SMIM27: variants seen among roughly 807,000 people sequenced by gnomAD.
SMIM27 encodes transition zone microprotein 1, also known as TOPORS antisense RNA 1 (non-protein coding).
SMIM27 carries 3 observed loss-of-function variants against 1.8 expected under a neutral mutation model. The ratio of observed to expected loss-of-function variants is 1.65; its 90% CI spans 0.75 to 4.28. The LOEUF (loss-of-function observed/expected upper bound fraction) is 4.28, where lower values mean the gene tolerates loss of function less well. Among genes scored for constraint, SMIM27 ranks in the 30% most tolerant of loss-of-function variants. The probability of loss-of-function intolerance (pLI) is 0.02; values close to 1 mark genes in which losing one functional copy is unlikely to be tolerated. For missense variants in SMIM27, 63 were observed against 37.0 expected, an observed-to-expected ratio of 1.70 and a Z score of -1.83; for synonymous variants, 19 against 13.9, an observed-to-expected ratio of 1.37 and a Z score of -0.82.
At chr9:32,552,589 G>C in intron 1 of SMIM27, 110 bp downstream of exon 1, 1 of 931,796 alleles carries the variant, frequency 1.1e-6, no homozygotes. Flanking sequence ...CCTGAATTAA[G>C]CATTTCACTC....
At chr9:32,552,678 T>G (rs1821323998) in intron 1 of SMIM27, 123 bp from the exon 2 acceptor site, 1 of 654,452 alleles carries the variant, frequency 1.5e-6, no homozygotes, top group Non-Finnish European at 2.8e-6. Context: ...TACCCGCCAC[T>G]GGAACCCCAT....
intron 1 of SMIM27, among the ~76,000 whole-genome samples, chr9:32,560,494 T>C (rs561937497): frequency 1.3e-5 from 2 of 152,354 alleles, no homozygotes; most frequent in South Asian, 2.1e-4. Context: ...CTGAAAACAT[T>C]GCTACATTCC....
chr9:32,554,255 C>T (rs143257950), downstream of SMIM27, among the ~76,000 whole-genome samples: 14 of 152,292 alleles, frequency 9.2e-5, no homozygotes, highest in African/African-American at 3.1e-4. Flanking sequence ...ATGGAGGCCC[C>T]AGAAAGAAGT....
intron 1 of SMIM27, among the ~76,000 whole-genome samples, chr9:32,564,820 T>C (rs530383785): frequency 7.2e-5 from 11 of 152,320 alleles, no homozygotes. Flanking sequence ...AACACTTTCT[T>C]CATAAAAGCT....
intron 1 of SMIM27, among the ~76,000 whole-genome samples, chr9:32,558,716 T>C (rs916608490): frequency 6.6e-6 from 1 of 152,186 alleles, no homozygotes; most frequent in Non-Finnish European, 1.5e-5. Context: ...CCATTTGAAC[T>C]GTAATTGTTA....
rs367955235 is a variant in SMIM27 at position 32,552,445 on chromosome 9, T to C, written c.11T>C (p.Val4Ala). 2.1e-5 allele frequency: 33 copies of C among 1,607,128 alleles called. No homozygotes were observed. Among genetic ancestry groups the C allele is most frequent in the Non-Finnish European group, 2.8e-5 (33 of 1,177,188 alleles). The change falls in exon 1 of 2, where the codon GTA becomes GCA. Residue 4 changes from valine (V) to alanine (A), a missense_variant. Val to Ala is a moderately conservative substitution (Grantham distance 64, BLOSUM62 0). Coordinates refer to ENST00000692500, the MANE Select transcript of SMIM27 (RefSeq NM_001387564.1). Reference protein sequence around the residue: MKPVSRRTLDWIYS... With the variant: MKPASRRTLDWIYS... ...TGCCGCCTCCTTACCATGAAGCCAG[T>C]AAGTCGTCGCACGCTGGACTGGATT...
chr9:32,559,374 C>T (rs1821564717), intron 1 of SMIM27, among the ~76,000 whole-genome samples: 1 of 152,240 alleles, frequency 6.6e-6, no homozygotes, highest in African/African-American at 2.4e-5. Context: ...AGCCTCCCTG[C>T]TTCCACTTGT....
chr9:32,552,490 G>A lies in SMIM27; in HGVS notation c.45+11G>A, dbSNP rs773298924. 8.9e-6 allele frequency: 14 copies of A among 1,581,382 alleles called. No homozygotes were observed. The highest frequency in any genetic ancestry group is 1.1e-5 in the Non-Finnish European group (13 of 1,163,916). ...TGGATTTATTCAGTGGTAAGTCCCG[G>A]GGATCGCGGGCCCCCACCGTGTCGA... On this transcript the variant is annotated intron_variant, in intron 1 of 1. Coordinates refer to ENST00000692500, the MANE Select transcript of SMIM27 (RefSeq NM_001387564.1).
At chr9:32,566,797 G>T in exon 2 of SMIM27, 2 of 907,588 alleles carry the variant, frequency 2.2e-6, no homozygotes, top group Non-Finnish European at 3.6e-6. Flanking sequence ...TTGTACAGGA[G>T]GTCGGCCAGC....
chr9:32,562,635 G>A (rs986935049), intron 1 of SMIM27, among the ~76,000 whole-genome samples: 3 of 152,120 alleles, frequency 2.0e-5, no homozygotes, highest in Non-Finnish European at 4.4e-5. Context: ...GTAAATTGCT[G>A]ACTAGTTTAT....
At position 32,565,863 on chromosome 9, in the gene SMIM27, T is replaced by C. The variant is rs140475606; in HGVS notation, c.46-528T>C. On this transcript the variant is annotated intron_variant, in intron 1 of 1. Transcript: ENST00000451672. ...GGCACATACCTGTAATCCTAGCTAC[T>C]TGGGAGGTTGAGGCAGGAGAATCAC... Among the ~76,000 whole-genome samples, 810 of 152,046 alleles carry C rather than the reference T, an allele frequency of 5.3e-3. 6 individuals are homozygous for C. The highest frequency in any genetic ancestry group is 0.019 in the African/African-American group (770 of 41,474).
intron 1 of SMIM27, chr9:32,559,056 C>G: frequency 2.9e-6 from 2 of 698,976 alleles, no homozygotes; most frequent in Non-Finnish European, 4.9e-6. Flanking sequence ...TCCAAACTTT[C>G]ACAGAACTCC....
At chr9:32,564,728 G>C (rs1821729279) in intron 1 of SMIM27, among the ~76,000 whole-genome samples, 1 of 152,110 alleles carries the variant, frequency 6.6e-6, no homozygotes, top group South Asian at 2.1e-4. Flanking sequence ...CATATTATCT[G>C]AGATGATAGT....
intron 1 of SMIM27, among the ~76,000 whole-genome samples, chr9:32,560,557 G>T (rs1298717999): frequency 6.6e-6 from 1 of 152,044 alleles, no homozygotes; most frequent in African/African-American, 2.4e-5. Flanking sequence ...GGCTAACAGA[G>T]GTTTTAAAAA....
intron 1 of SMIM27, 135 bp from the exon 2 acceptor site, chr9:32,552,666 T>A: frequency 1.5e-6 from 1 of 651,868 alleles, no homozygotes; most frequent in Non-Finnish European, 2.8e-6. Context: ...GGCTGCTGGG[T>A]GTACCCGCCA....
downstream of SMIM27, among the ~76,000 whole-genome samples, chr9:32,554,939 T>C (rs537734006): frequency 7.9e-5 from 12 of 152,306 alleles, no homozygotes; most frequent in Middle Eastern, 3.4e-3. Context: ...AAAAAAGTTA[T>C]AGTATGTGTT....
At chr9:32,551,463 C>T (rs1419654502), upstream of SMIM27, 3 of 273,396 alleles carry the variant, frequency 1.1e-5, no homozygotes, top group Non-Finnish European at 2.2e-5. Flanking sequence ...GAGGGATCCC[C>T]TCCAGGCTGG....
downstream of SMIM27, among the ~76,000 whole-genome samples, chr9:32,555,061 CT>C (rs1481472725): frequency 6.6e-6 from 1 of 151,392 alleles, no homozygotes; most frequent in Non-Finnish European, 1.5e-5. Context: ...CGAGAGAACA[CT>C]TTGGTGCACG....
upstream of SMIM27, among the ~76,000 whole-genome samples, chr9:32,552,002 A>C (rs576895451): frequency 5.4e-5 from 8 of 149,482 alleles, 1 homozygote; most frequent in African/African-American, 2.0e-4. Context: ...TGGGGGAGGG[A>C]GCGGGGGAGA....
Sources: allele counts gnomAD v4.1 joint callset (sites outside exome capture counted in the v4.1 genomes callset), GRCh38; gene constraint gnomAD v4.1.1; transcripts MANE v1.5; gene names NCBI Gene and HGNC (gene_info 2026-07-23, HGNC 2026-07-21).